Variants in IKZF1 observed in about 807,000 individuals in gnomAD.
The protein encoded by IKZF1 is IKAROS family zinc finger 1.
IKZF1 carries 10 observed loss-of-function variants against 51.7 expected under a neutral mutation model. The ratio of observed to expected loss-of-function variants is 0.19; its 90% CI spans 0.12 to 0.33. The LOEUF is 0.33. Ranked by LOEUF, IKZF1 falls within the 10% of genes least tolerant of loss-of-function variation. IKZF1 has a pLI of 1.00. For synonymous variants in IKZF1, 280 were observed against 282.3 expected (o/e 0.99, Z 0.08); for missense variants, 484 against 707.5 (o/e 0.68, Z 3.58).
chr7:50,384,126 A>G (rs373276212), intron 5 of IKZF1, among the ~76,000 whole-genome samples: 29 of 152,308 alleles, frequency 1.9e-4, no homozygotes, highest in African/African-American at 6.5e-4. Flanking sequence ...TCTGAAGTAC[A>G]TGCTGGAAGG....
chr7:50,326,146 G>A lies in IKZF1; in HGVS notation c.41-1492G>A, dbSNP rs1465696700. ...TTTATATACTGAGGATGATTTTACT[G>A]GTCTTGCCAGTCGTCTGAAATGCTG... On this transcript the variant is annotated intron_variant, in intron 2 of 7. Coordinates refer to ENST00000331340, the MANE Select transcript of IKZF1 (RefSeq NM_006060.6). 4.6e-5 allele frequency among the ~76,000 whole-genome samples: 7 copies of A among 152,150 alleles called. No homozygotes were observed. The East Asian group carries it at 1.3e-3, about 29-fold the overall frequency.
chr7:50,370,819 T>C (rs532236521), intron 3 of IKZF1, among the ~76,000 whole-genome samples: 1 of 152,338 alleles, frequency 6.6e-6, no homozygotes, highest in Admixed American at 6.5e-5. Context: ...TTACTGAGTT[T>C]GACATTTTTC....
intron 4 of IKZF1, among the ~76,000 whole-genome samples, chr7:50,381,047 A>G (rs1411566930): frequency 6.6e-6 from 1 of 152,202 alleles, no homozygotes; most frequent in Non-Finnish European, 1.5e-5. Context: ...GGACCTCTCC[A>G]TTGGCCTATA....
At chr7:50,323,434 C>T (rs1793974695) in intron 2 of IKZF1, among the ~76,000 whole-genome samples, 1 of 152,190 alleles carries the variant, frequency 6.6e-6, no homozygotes, top group Non-Finnish European at 1.5e-5. Flanking sequence ...TTAGGAGAGG[C>T]GGGATGACAG....
intron 3 of IKZF1, chr7:50,368,191 G>T: frequency 1.4e-6 from 1 of 703,140 alleles, no homozygotes; most frequent in Non-Finnish European, 2.6e-6. Context: ...CTATTCGTTA[G>T]ACACCTACCA....
At chr7:50,371,480 C>A (rs1808655031) in intron 3 of IKZF1, among the ~76,000 whole-genome samples, 1 of 152,256 alleles carries the variant, frequency 6.6e-6, no homozygotes, top group South Asian at 2.1e-4. Context: ...GCCCTGAACT[C>A]CTCACTCCTT....
intron 3 of IKZF1, among the ~76,000 whole-genome samples, chr7:50,343,700 T>G (rs1799655576): frequency 1.3e-5 from 2 of 152,228 alleles, no homozygotes; most frequent in Admixed American, 1.3e-4. Flanking sequence ...TGTAATACAG[T>G]GCAGCAGTGA....
intron 1 of IKZF1, among the ~76,000 whole-genome samples, chr7:50,307,433 C>T (rs1411910330): frequency 6.6e-6 from 1 of 152,208 alleles, no homozygotes; most frequent in African/African-American, 2.4e-5. Flanking sequence ...TCCGATGCCT[C>T]TGTTTCTAAG....
chr7:50,381,990 A>G (rs549029172), intron 4 of IKZF1, among the ~76,000 whole-genome samples: 1 of 152,338 alleles, frequency 6.6e-6, no homozygotes, highest in East Asian at 1.9e-4. Context: ...AGAAATTGAA[A>G]GGGAAAATAC....
chr7:50,321,817 G>C (rs751755767), intron 2 of IKZF1, among the ~76,000 whole-genome samples: 1 of 152,114 alleles, frequency 6.6e-6, no homozygotes, highest in Non-Finnish European at 1.5e-5. Context: ...TACAAAATAA[G>C]TAATTTGTTC....
At chr7:50,372,898 A>G (rs74942628) in intron 3 of IKZF1, among the ~76,000 whole-genome samples, 3,384 of 152,336 alleles carry the variant, frequency 0.022, 68 homozygotes, top group East Asian at 0.067. Context: ...GAATAATAAA[A>G]TTGGGCTCTT....
intron 5 of IKZF1, 51 bp from the exon 6 acceptor site, chr7:50,387,294 C>G: frequency 6.3e-7 from 1 of 1,588,300 alleles, no homozygotes; most frequent in Non-Finnish European, 8.6e-7. Flanking sequence ...TCCCCTTACA[C>G]AGAAGGCTGG....
At position 50,359,219 on chromosome 7, in the gene IKZF1, C is replaced by T. The variant is rs1185820696; in HGVS notation, c.161-17314C>T. The stretch of plus-strand genomic sequence containing the variant: ...AAGACTGCAGTGAGCTGTGATCGAG[C>T]CACTGCACTACAGCCTGGGCCACAG... On this transcript the variant is annotated intron_variant, in intron 3 of 7. Coordinates refer to ENST00000331340, the MANE Select transcript of IKZF1 (RefSeq NM_006060.6). Among the ~76,000 whole-genome samples the T allele has an allele frequency of 7.9e-5, 12 of 152,120 alleles. No individual in the cohort carries two copies. In the East Asian group the frequency reaches 2.3e-3, roughly 29 times the overall value.
chr7:50,336,223 T>C (rs1377720993), intron 3 of IKZF1, among the ~76,000 whole-genome samples: 1 of 148,062 alleles, frequency 6.8e-6, no homozygotes, highest in Non-Finnish European at 1.5e-5. Context: ...CTGGAAGCAC[T>C]GGGGGAGGAG....
chr7:50,344,418 G>A (rs947460930), intron 3 of IKZF1, among the ~76,000 whole-genome samples: 3 of 152,130 alleles, frequency 2.0e-5, no homozygotes, highest in East Asian at 1.9e-4. Context: ...TCTAAGCCAG[G>A]TTCCTTCTCT....
chr7:50,381,055 A>G (rs1231901223), intron 4 of IKZF1, among the ~76,000 whole-genome samples: 1 of 152,226 alleles, frequency 6.6e-6, no homozygotes, highest in Admixed American at 6.5e-5. Context: ...CCATTGGCCT[A>G]TAATTGAACA....
chr7:50,346,372 G>C (rs1800367194), intron 3 of IKZF1, among the ~76,000 whole-genome samples: 1 of 152,154 alleles, frequency 6.6e-6, no homozygotes. Context: ...AAATCTGCTT[G>C]TCTCTAAAGC....
intron 7 of IKZF1, chr7:50,394,231 G>T: frequency 4.3e-6 from 1 of 232,916 alleles, no homozygotes; most frequent in Non-Finnish European, 8.5e-6. Flanking sequence ...TTGGTGCTTG[G>T]CAGTTCATTT....
intron 3 of IKZF1, among the ~76,000 whole-genome samples, chr7:50,354,821 C>A (rs946800783): frequency 2.0e-5 from 3 of 152,222 alleles, no homozygotes; most frequent in African/African-American, 7.2e-5. Context: ...GAAACTTAGA[C>A]CTCCCCTCCA....
Sources: allele counts gnomAD v4.1 joint callset (sites outside exome capture counted in the v4.1 genomes callset), GRCh38; gene constraint gnomAD v4.1.1; transcripts MANE v1.5; gene names NCBI Gene and HGNC (gene_info 2026-07-23, HGNC 2026-07-21).